GP2: variants seen among roughly 807,000 people sequenced by gnomAD.
GP2 encodes pancreatic secretory granule membrane major glycoprotein GP2.
GP2 carries 58 observed loss-of-function variants against 60.8 expected under a neutral mutation model. That is an observed-to-expected ratio of 0.95 (90% confidence interval 0.77 to 1.19). The LOEUF is 1.19. Among genes scored for constraint, GP2 ranks in the 50% most tolerant of loss-of-function variants. GP2 has a pLI of 0.00. For missense variants in GP2, 647 were observed against 667.4 expected (o/e 0.97, Z 0.34); for synonymous variants, 280 against 253.4 (o/e 1.10, Z -1.00).
In GP2 at chr16:20,318,373, G is replaced by A; in HGVS notation, c.1065C>T (p.Phe355=). 5 of 1,612,564 alleles carry A rather than the reference G, an allele frequency of 3.1e-6. No individual in the cohort carries two copies. Among genetic ancestry groups the A allele is most frequent in the Non-Finnish European group, 4.2e-6 (5 of 1,178,620 alleles). ...NGEFIVRMAL[F]QDQNYTNPYE... The stretch of plus-strand genomic sequence containing the variant: ...AAGGATTCGTGTAGTTCTGGTCTTG[G>A]AAGAGGGCCATCCTGACAATGAACT... The change falls in exon 7 of 11, where the codon TTC becomes TTT. Residue 355 remains phenylalanine, a synonymous_variant. Coordinates refer to ENST00000302555, the MANE Select transcript of GP2 (RefSeq NM_001502.4).
Position 20,323,123 on chromosome 16 carries a change from C to T in GP2, c.536-144G>A, listed in dbSNP as rs534772233. ...CTTAGTGGAAGCATCAAGCCTGACT[C>T]CCAGTCCAATGGGATAAGTGAGAGC... On this transcript the variant is annotated intron_variant, in intron 3 of 10. Transcript: ENST00000302555. The T allele has an allele frequency of 9.1e-5, 57 of 626,548 alleles. 1 individual carries two copies. The South Asian group carries it at 1.1e-3, about 12-fold the overall frequency. 38.8% of individuals were successfully genotyped at this position (626,548 alleles called of 1,614,324 possible).
At chr16:20,320,570 T>C (rs1319116365) in intron 4 of GP2, 97 bp from the exon 5 acceptor site, 14 of 811,276 alleles carry the variant, frequency 1.7e-5, no homozygotes, top group Non-Finnish European at 2.7e-5. Context: ...GAAGATTATG[T>C]AGACTAGAAG....
Position 20,322,908 on chromosome 16 carries a change from T to C in GP2, c.607A>G (p.Thr203Ala), listed in dbSNP as rs772958228. The change falls in exon 4 of 11, where the codon ACC becomes GCC. Residue 203 changes from threonine to alanine, a missense_variant. By Grantham distance (58) the Thr-to-Ala change is moderately conservative (BLOSUM62 0). Transcript: ENST00000302555. Reference protein sequence around the residue: ...PEEECLALNSTWGCFCRQDLN... With the variant: ...PEEECLALNSAWGCFCRQDLN... ...TCCTGTCTGCAGAAACAGCCCCAGGTGCTGTTGAGGGCAAGGCACTCCTCC... is the reference window on the plus strand; with the variant it reads ...TCCTGTCTGCAGAAACAGCCCCAGGCGCTGTTGAGGGCAAGGCACTCCTCC... 1 of 1,610,252 alleles carries C rather than the reference T, an allele frequency of 6.2e-7. No individual in the cohort carries two copies. The highest frequency in any genetic ancestry group is 8.5e-7 in the Non-Finnish European group (1 of 1,176,500).
At chr16:20,323,567 C>G in intron 3 of GP2, 1 of 573,254 alleles carries the variant, frequency 1.7e-6, no homozygotes, top group Non-Finnish European at 3.2e-6. Flanking sequence ...AAAATCGGAA[C>G]GAGCATGAGT....
At chr16:20,327,411 G>A (rs985998713) in intron 1 of GP2, 56 bp downstream of exon 1, 2 of 1,198,544 alleles carry the variant, frequency 1.7e-6, no homozygotes, top group Admixed American at 5.2e-5. Flanking sequence ...ATGTCCAGTG[G>A]ATCAAGATTT....
Position 20,324,183 on chromosome 16 carries a change from A to T in GP2, c.168T>A (p.Ala56=). 6.2e-7 allele frequency: 1 copy of T among 1,613,974 alleles called. No individual in the cohort carries two copies. Among genetic ancestry groups the T allele is most frequent in the Non-Finnish European group, 8.5e-7 (1 of 1,179,814 alleles). Residue 56 remains alanine (A), a synonymous_variant, in exon 3 of 11, where the codon GCT becomes GCA. Coordinates refer to ENST00000302555, the MANE Select transcript of GP2 (RefSeq NM_001502.4). ...LDCGAPGTPE[A]HVCFDPCQNY... is the part of the protein sequence containing the mutation. ...TCTGACAGGGGTCAAAACAGACATG[A>T]GCCTCTGGGGTGCCAGGAGCTCCGC...
At chr16:20,319,856 T>C (rs1294908354) in intron 5 of GP2, 88 bp from the exon 6 acceptor site, 1 of 1,108,768 alleles carries the variant, frequency 9.0e-7, no homozygotes, top group African/African-American at 1.5e-5. Flanking sequence ...CCAGAGTCAA[T>C]TTGCTTAACC....
intron 4 of GP2, among the ~76,000 whole-genome samples, chr16:20,321,628 C>T (rs935670545): frequency 9.2e-5 from 14 of 152,038 alleles, no homozygotes; most frequent in Admixed American, 4.6e-4. Context: ...AGCAAGTGAA[C>T]GCATCCCAGG....
At position 20,315,589 on chromosome 16, in the gene GP2, C is replaced by G. The variant is rs149233634; in HGVS notation, c.1501+367G>C. Reference sequence around the variant, plus strand: ...GGAAGCAGGTGGAATAAGGAAAAGGCCACATGTTTTGGAATCAGACTGAGC... The same window carrying G: ...GGAAGCAGGTGGAATAAGGAAAAGGGCACATGTTTTGGAATCAGACTGAGC... On this transcript the variant is annotated intron_variant, in intron 9 of 10. Coordinates refer to ENST00000302555, the MANE Select transcript of GP2 (RefSeq NM_001502.4). Among the ~76,000 whole-genome samples, 687 of 152,266 alleles carry G rather than the reference C, an allele frequency of 4.5e-3. 3 individuals are homozygous for G. The highest frequency in any genetic ancestry group is 7.0e-3 in the Non-Finnish European group (476 of 68,036).
Position 20,311,243 on chromosome 16 carries a change from G to T in GP2, c.1585C>A (p.Leu529Ile). 1 of 1,610,004 alleles carries T rather than the reference G, an allele frequency of 6.2e-7. No individual in the cohort carries two copies. Among genetic ancestry groups the T allele is most frequent in the Non-Finnish European group, 8.5e-7 (1 of 1,176,368 alleles). Residue 529 changes from leucine to isoleucine, a missense_variant, in exon 11 of 11, where the codon CTC becomes ATC. Leu to Ile is a conservative substitution (Grantham distance 5). Transcript: ENST00000302555. Reference sequence around the variant, plus strand: ...AGCTCTCAGAACAGCCAAGCCAGGAGGACAGTCAGGAGGACCATAGGCCAG... The same window carrying T: ...AGCTCTCAGAACAGCCAAGCCAGGATGACAGTCAGGAGGACCATAGGCCAG... Reference protein sequence around the residue: ...VAWPMVLLTVLLAWLF With the variant: ...VAWPMVLLTVILAWLF
intron 1 of GP2, 133 bp from the exon 2 acceptor site, chr16:20,326,600 A>G (rs1964542094): frequency 1.4e-6 from 1 of 699,654 alleles, no homozygotes; most frequent in Admixed American, 3.0e-5. Flanking sequence ...AGAGCGAGAT[A>G]ATGGGTGATA....
At chr16:20,314,279 A>G (rs1341078361) in intron 10 of GP2, among the ~76,000 whole-genome samples, 1 of 150,214 alleles carries the variant, frequency 6.7e-6, no homozygotes, top group Non-Finnish European at 1.5e-5. Context: ...TTTGAAAAAA[A>G]AAGAAATGAA....
At position 20,316,898 on chromosome 16, in the gene GP2, T is replaced by C. The variant is rs546714436; in HGVS notation, c.1416+315A>G. On this transcript the variant is annotated intron_variant, in intron 8 of 10. Coordinates refer to ENST00000302555, the MANE Select transcript of GP2 (RefSeq NM_001502.4). ...TGTATTCCTTTCTCCATCCCTCCTG[T>C]ATTCCTTTCTCCCTCTCTCTTCCCT... Among the ~76,000 whole-genome samples, 3 of 150,902 alleles carry C rather than the reference T, an allele frequency of 2.0e-5. No homozygotes were observed. The South Asian group carries it at 6.4e-4, about 32-fold the overall frequency.
At chr16:20,323,795 C>G in intron 3 of GP2, 21 bp downstream of exon 3, 1 of 1,549,454 alleles carries the variant, frequency 6.5e-7, no homozygotes, top group Non-Finnish European at 8.8e-7. Flanking sequence ...TAGCTGCCTC[C>G]TCCAGGGCTC....
chr16:20,310,126 T>A lies in GP2; in HGVS notation c.*1097A>T, dbSNP rs1023842980. ...GGTGCTTTGAAGTACTCATTAAAGGTCTCCAGAAAGGGACTTCACCCATCT... is the reference window on the plus strand; with the variant it reads ...GGTGCTTTGAAGTACTCATTAAAGGACTCCAGAAAGGGACTTCACCCATCT... On this transcript the variant is annotated 3_prime_UTR_variant, in exon 11 of 11. Coordinates refer to ENST00000302555, the MANE Select transcript of GP2 (RefSeq NM_001502.4). 6 of 152,188 alleles carry A rather than the reference T, an allele frequency of 3.9e-5. No homozygotes were observed. Among genetic ancestry groups the A allele is most frequent in the Admixed American group, 3.3e-4 (5 of 15,280 alleles). 9.4% of individuals were successfully genotyped at this position (152,188 alleles called of 1,614,324 possible). A position where few individuals can be genotyped will look rare whatever the true frequency, so the allele number is the denominator to read the frequency against.
Position 20,320,263 on chromosome 16 carries a change from T to C in GP2, c.857A>G (p.Glu286Gly). The change falls in exon 5 of 11, where the codon GAG becomes GGG. Residue 286 changes from glutamate to glycine, a missense_variant and splice_region_variant. Coordinates refer to ENST00000302555, the MANE Select transcript of GP2 (RefSeq NM_001502.4). ...VQASACRNIL[E>G]RNQTHAIYKN... The stretch of plus-strand genomic sequence containing the variant: ...AGCAGTGGTGTGAAAGCCACTTACC[T>C]CCAGAATGTTCCTGCAGGCACTAGC... The C allele has an allele frequency of 6.2e-7, 1 of 1,609,428 alleles. No individual in the cohort carries two copies. Among genetic ancestry groups the C allele is most frequent in the Non-Finnish European group, 8.5e-7 (1 of 1,175,726 alleles).
At chr16:20,323,391 T>C (rs568112107) in intron 3 of GP2, 54 of 718,362 alleles carry the variant, frequency 7.5e-5, no homozygotes, top group Non-Finnish European at 1.4e-4. Context: ...CTCGTGGAAC[T>C]GGGGAGAGGA....
chr16:20,322,840 G>T, intron 4 of GP2, 29 bp downstream of exon 4: 1 of 1,201,728 alleles, frequency 8.3e-7, no homozygotes, highest in Non-Finnish European at 1.2e-6. Flanking sequence ...CCCTCAGGAT[G>T]GTAGTTACTT....
chr16:20,323,049 A>T (rs1298213231), intron 3 of GP2, 70 bp from the exon 4 acceptor site: 1 of 811,012 alleles, frequency 1.2e-6, no homozygotes. Context: ...CCCAAGTCCA[A>T]CCCTTTCATT....
Sources: gnomAD v4.1 joint callset for allele counts (sites outside exome capture counted in the v4.1 genomes callset) on GRCh38, gnomAD v4.1.1 for gene constraint, MANE v1.5 for transcripts, NCBI Gene and HGNC (gene_info 2026-07-23, HGNC 2026-07-21) for gene names.